The following ZNF106 variants were observed in gnomAD, a reference collection of about 807,000 sequenced individuals.
ZNF106 encodes the protein zinc finger protein 106, also known as SH3-domain binding protein 3.
In ZNF106, 67 loss-of-function variants were observed where a neutral mutation model predicts 195.1. The observed-to-expected ratio is 0.34, with a 90% CI of 0.28 to 0.42. ZNF106 has a LOEUF of 0.42. Among genes scored for constraint, ZNF106 ranks in the 10% least tolerant of loss-of-function variants. The pLI, the probability that ZNF106 is intolerant of heterozygous loss-of-function variation, is 1.00. For synonymous variants in ZNF106, 784 were observed against 818.6 expected (o/e 0.96, Z 0.72); for missense variants, 2,118 against 2,304.5 (o/e 0.92, Z 1.66).
At position 42,428,091 on chromosome 15, in the gene ZNF106, A is replaced by G; in HGVS notation, c.4925T>C (p.Leu1642Pro). The G allele has an allele frequency of 6.2e-7, 1 of 1,614,156 alleles. No homozygotes were observed. Among genetic ancestry groups the G allele is most frequent in the African/African-American group, 1.3e-5 (1 of 75,058 alleles). ...VEQLQLEDRV[L>P]CLHSRWRILY... ...GATTCGCCATCTACTGTGGAGGCAG[A>G]GGACCCGGTCTTCCAGCTGTAACTG... is the stretch of plus-strand genomic sequence containing the variant. The change falls in exon 15 of 22, where the codon CTC (leucine) becomes CCC (proline). Residue 1642 changes from leucine to proline, a missense_variant. Leu to Pro is a moderately conservative substitution (Grantham distance 98, BLOSUM62 -3). Transcript: ENST00000564754.
At chr15:42,447,754 A>G (rs1209221649) in intron 6 of ZNF106, among the ~76,000 whole-genome samples, 7 of 152,376 alleles carry the variant, frequency 4.6e-5, no homozygotes, top group South Asian at 2.1e-4. Context: ...GAACGCATCT[A>G]TGAAAACAGA....
chr15:42,427,529 A>T (rs916599027), intron 15 of ZNF106: 4 of 154,496 alleles, frequency 2.6e-5, no homozygotes, highest in Admixed American at 2.5e-4. Flanking sequence ...ACCCTAAACC[A>T]GTGCCAAACC....
In ZNF106 at chr15:42,413,411, G is replaced by A. The variant is rs553070352; in HGVS notation, c.*3893C>T. On this transcript the variant is annotated 3_prime_UTR_variant, in exon 22 of 22. Transcript: ENST00000564754. ...AGGTATGGCCTTCGTAATTCTAGAA[G>A]CTCCCGTTTAGGTAACAGAAACAAA... 2 of 152,384 alleles carry A rather than the reference G, an allele frequency of 1.3e-5. No homozygotes were observed. Among genetic ancestry groups the A allele is most frequent in the East Asian group, 3.9e-4 (2 of 5,190 alleles). 9.4% of individuals were successfully genotyped at this position (152,384 alleles called of 1,614,324 possible).
At chr15:42,458,168 G>C (rs1019557944) in intron 3 of ZNF106, among the ~76,000 whole-genome samples, 1 of 151,854 alleles carries the variant, frequency 6.6e-6, no homozygotes, top group Non-Finnish European at 1.5e-5. Context: ...ATTTAGACTA[G>C]TTATATTTTT....
intron 8 of ZNF106, 130 bp from the exon 9 acceptor site, chr15:42,444,392 A>G: frequency 3.0e-6 from 2 of 674,792 alleles, no homozygotes; most frequent in Non-Finnish European, 5.0e-6. Context: ...AGCCAGCCGC[A>G]GGTTTTCTCC....
At chr15:42,482,497 T>C (rs1359944710) in intron 1 of ZNF106, among the ~76,000 whole-genome samples, 1 of 150,854 alleles carries the variant, frequency 6.6e-6, no homozygotes, top group Non-Finnish European at 1.5e-5. Flanking sequence ...CAAATCTGTC[T>C]CTTAGGCAGT....
rs559464563 is a variant in ZNF106, at chr15:42,475,911, G to C, written c.-32-3590C>G. On this transcript the variant is annotated intron_variant, in intron 1 of 21. Transcript: ENST00000564754. ...GGTAGAAATTATAGCAGTTACTGTG[G>C]AGTTTTTATATATTTACTTGGTTGA... Among the ~76,000 whole-genome samples, 292 of 152,152 alleles carry C rather than the reference G, an allele frequency of 1.9e-3. 1 individual carries two copies. Among genetic ancestry groups the C allele is most frequent in the African/African-American group, 6.8e-3 (281 of 41,520 alleles).
chr15:42,444,767 C>G, intron 8 of ZNF106, 60 bp downstream of exon 8: 27 of 1,592,106 alleles, frequency 1.7e-5, no homozygotes, highest in Non-Finnish European at 2.3e-5. Context: ...ATGGGTTTGG[C>G]AGCACAAAAC....
intron 1 of ZNF106, among the ~76,000 whole-genome samples, chr15:42,486,419 T>A (rs1372673985): frequency 2.6e-5 from 4 of 152,166 alleles, no homozygotes; most frequent in South Asian, 2.1e-4. Flanking sequence ...GCTACTATAC[T>A]TGGTCAATTT....
In ZNF106 at chr15:42,448,685, G is replaced by C. The variant is rs751353979; in HGVS notation, c.2522C>G (p.Pro841Arg). The change falls in exon 6 of 22, where the codon CCC (proline) becomes CGC (arginine). Residue 841 changes from proline to arginine, a missense_variant. By Grantham distance (103) the Pro-to-Arg change is moderately radical. Coordinates refer to ENST00000564754, the MANE Select transcript of ZNF106 (RefSeq NM_001366845.3). The part of the protein sequence containing the change: ...GLPRFGIEMV[P>R]LVQNEQEALD... The stretch of plus-strand genomic sequence containing the variant: ...GGCTTCTTGTTCATTTTGAACAAGG[G>C]GTACCATTTCTATGCCAAACCTTAA... The C allele has an allele frequency of 6.2e-7, 1 of 1,604,418 alleles. No homozygotes were observed. The highest frequency in any genetic ancestry group is 1.7e-5 in the Admixed American group (1 of 59,240).
chr15:42,444,575 A>AC (rs58225362), intron 8 of ZNF106, among the ~76,000 whole-genome samples: 1 of 151,950 alleles, frequency 6.6e-6, no homozygotes, highest in Non-Finnish European at 1.5e-5. Flanking sequence ...TAGGGAGAAC[A>AC]CCCTTGTGGG....
At position 42,450,355 on chromosome 15, in the gene ZNF106, A is replaced by C. The variant is rs1227468353; in HGVS notation, c.1917T>G (p.Ser639=). The C allele has an allele frequency of 5.0e-6, 8 of 1,614,104 alleles. No individual in the cohort carries two copies. The highest frequency in any genetic ancestry group is 5.9e-6 in the Non-Finnish European group (7 of 1,180,048). The change falls in exon 5 of 22, where the codon TCT becomes TCG. Residue 639 remains serine, a synonymous_variant. Coordinates refer to ENST00000564754, the MANE Select transcript of ZNF106 (RefSeq NM_001366845.3). ...TCTCATCAGCAGTTCGAGTGCTGCC[A>C]GATAACAATTCTGTAGTTGCAGAAC... is the stretch of plus-strand genomic sequence containing the variant. ...TLGSATTELL[S]GSTRTADEKE... is the part of the protein sequence containing the mutation.
chr15:42,431,675 T>C (rs1318882105), intron 14 of ZNF106, among the ~76,000 whole-genome samples: 3 of 152,230 alleles, frequency 2.0e-5, no homozygotes, highest in African/African-American at 4.8e-5. Context: ...GGTTTCACCA[T>C]GTTTTTCAGG....
At chr15:42,436,632 CA>C (rs2055283575) in intron 13 of ZNF106, among the ~76,000 whole-genome samples, 1 of 152,132 alleles carries the variant, frequency 6.6e-6, no homozygotes, top group East Asian at 1.9e-4. Flanking sequence ...AATTCAAATT[CA>C]AAACTCAAAA....
At position 42,414,345 on chromosome 15, in the gene ZNF106, C is replaced by A. The variant is rs1423863491; in HGVS notation, c.*2959G>T. The A allele has an allele frequency of 6.6e-6, 1 of 152,196 alleles. No individual in the cohort carries two copies. The highest frequency in any genetic ancestry group is 1.5e-5 in the Non-Finnish European group (1 of 68,042). 9.4% of individuals were successfully genotyped at this position (152,196 alleles called of 1,614,324 possible). On this transcript the variant is annotated 3_prime_UTR_variant, in exon 22 of 22. Coordinates refer to ENST00000564754, the MANE Select transcript of ZNF106 (RefSeq NM_001366845.3). Reference sequence around the variant, plus strand: ...CAAAATGCTTATGGTCCCTTTATTTCTTAATAGAGGGCTAGAACCGTTCAT... The same window carrying A: ...CAAAATGCTTATGGTCCCTTTATTTATTAATAGAGGGCTAGAACCGTTCAT...
chr15:42,468,736 C>T (rs1239354341), intron 2 of ZNF106, among the ~76,000 whole-genome samples: 7 of 149,886 alleles, frequency 4.7e-5, no homozygotes, highest in South Asian at 2.1e-4. Flanking sequence ...AGCAAGACTC[C>T]GTCTCAAAAA....
chr15:42,488,280 T>C (rs1049031355), intron 1 of ZNF106, among the ~76,000 whole-genome samples: 8 of 152,186 alleles, frequency 5.3e-5, no homozygotes, highest in Non-Finnish European at 7.3e-5. Context: ...GCACACCCTC[T>C]TTTGCACCTT....
At chr15:42,457,827 G>A (rs542381450) in intron 3 of ZNF106, among the ~76,000 whole-genome samples, 18 of 152,182 alleles carry the variant, frequency 1.2e-4, no homozygotes, top group Non-Finnish European at 2.1e-4. Flanking sequence ...AAGCAAATGT[G>A]TTTTCTCAAG....
At chr15:42,438,711 G>C (rs1376329375) in intron 11 of ZNF106, 44 bp from the exon 12 acceptor site, 1 of 1,571,538 alleles carries the variant, frequency 6.4e-7, no homozygotes, top group East Asian at 2.3e-5. Flanking sequence ...TGTGTGAACA[G>C]GGCAGGTAGT....
Sources: gnomAD v4.1 joint callset for allele counts (sites outside exome capture counted in the v4.1 genomes callset) on GRCh38, gnomAD v4.1.1 for gene constraint, MANE v1.5 for transcripts, NCBI Gene and HGNC (gene_info 2026-07-23, HGNC 2026-07-21) for gene names.